The following WWOX variants were observed in gnomAD, a reference collection of about 807,000 sequenced individuals.
WWOX encodes WW domain-containing oxidoreductase.
Under a neutral mutation model 46.2 loss-of-function variants are expected in WWOX, and 69 were observed. That is an observed-to-expected ratio of 1.49 (90% confidence interval 1.23 to 1.82). The LOEUF is 1.82. Ranked by LOEUF, WWOX falls within the 40% of genes most tolerant of loss-of-function variation. The probability of loss-of-function intolerance (pLI) is 0.00; values close to 1 mark genes in which losing one functional copy is unlikely to be tolerated. For synonymous variants in WWOX, 359 were observed against 202.6 expected, an observed-to-expected ratio of 1.77 and a Z score of -6.56; for missense variants, 919 against 542.6, an observed-to-expected ratio of 1.69 and a Z score of -6.89.
At chr16:78,656,232 C>A (rs559215478) in intron 8 of WWOX, among the ~76,000 whole-genome samples, 67 of 152,088 alleles carry the variant, frequency 4.4e-4, no homozygotes, top group African/African-American at 1.6e-3. Flanking sequence ...CCTCAGTCTC[C>A]CCATCATCCT....
intron 8 of WWOX, among the ~76,000 whole-genome samples, chr16:79,022,941 T>TA (rs1347869134): frequency 1.3e-5 from 2 of 152,210 alleles, no homozygotes; most frequent in African/African-American, 2.4e-5. Context: ...CATCTGCTAA[T>TA]AATACCTATG....
intron 6 of WWOX, among the ~76,000 whole-genome samples, chr16:78,404,918 C>T (rs1246093935): frequency 6.6e-6 from 1 of 152,180 alleles, no homozygotes; most frequent in Non-Finnish European, 1.5e-5. Context: ...ACCTGCATGT[C>T]AGATATCATG....
In WWOX at chr16:79,211,802, G is replaced by T; in HGVS notation, c.*6G>T. ...TTGGCAGCCAGTCCGGCTAAGTGGA[G>T]CTCAGAGCGGATGGGCACACACACC... On this transcript the variant is annotated 3_prime_UTR_variant, in exon 9 of 9. Coordinates refer to ENST00000566780, the MANE Select transcript of WWOX (RefSeq NM_016373.4). 8 of 1,614,080 alleles carry T rather than the reference G, an allele frequency of 5.0e-6. No homozygotes were observed. The highest frequency in any genetic ancestry group is 1.7e-5 in the Admixed American group (1 of 60,022).
rs201008667 is a variant in WWOX at position 78,109,819 on chromosome 16, C to G, written c.214C>G (p.Gln72Glu). 8.1e-6 allele frequency: 13 copies of G among 1,613,986 alleles called. No individual in the cohort carries two copies. The African/African-American group carries it at 1.1e-4, about 13-fold the overall frequency. ...GWEQETDENG[Q>E]VFFVDHINKR... The stretch of plus-strand genomic sequence containing the variant: ...GGAACAAGAAACTGATGAGAACGGA[C>G]AAGTGTTTTTTGTTGAGTAAGTGTC... Residue 72 changes from glutamine (Q) to glutamate (E), a missense_variant, in exon 3 of 9, where the codon CAA becomes GAA. Transcript: ENST00000566780.
chr16:78,571,018 C>T (rs80196722), intron 8 of WWOX, among the ~76,000 whole-genome samples: 1 of 152,122 alleles, frequency 6.6e-6, no homozygotes, highest in African/African-American at 2.4e-5. Context: ...GCCCAGATGA[C>T]TTGTTCATGT....
Position 78,561,150 on chromosome 16 carries a change from G to A in WWOX, c.1056+128398G>A, listed in dbSNP as rs541440409. ...TGTTTCCTACTGACTTCTGCTGGTG[G>A]CTGCCCTCAGCTCCCAGAGGCAACC... is the stretch of plus-strand genomic sequence containing the variant. On this transcript the variant is annotated intron_variant, in intron 8 of 8. Transcript: ENST00000566780. Among the ~76,000 whole-genome samples the A allele has an allele frequency of 9.2e-5, 14 of 152,274 alleles. 1 individual carries two copies. The highest frequency in any genetic ancestry group is 8.5e-4 in the Admixed American group (13 of 15,294).
At chr16:78,524,006 A>G (rs1385313072) in intron 8 of WWOX, among the ~76,000 whole-genome samples, 1 of 152,022 alleles carries the variant, frequency 6.6e-6, no homozygotes, top group South Asian at 2.1e-4. Flanking sequence ...TTCACTTAGG[A>G]CTCTGTTTCG....
rs751026317 is a variant in WWOX at position 78,339,509 on chromosome 16, C to T, written c.517-47351C>T. ...CATTGTATCCTGGAAAGTTCATTTACCTGTACCCGGAGTTGGAACTTCTCT... is the reference window on the plus strand; with the variant it reads ...CATTGTATCCTGGAAAGTTCATTTATCTGTACCCGGAGTTGGAACTTCTCT... On this transcript the variant is annotated intron_variant, in intron 5 of 8. Coordinates refer to ENST00000566780, the MANE Select transcript of WWOX (RefSeq NM_016373.4). Among the ~76,000 whole-genome samples the T allele has an allele frequency of 6.8e-4, 81 of 119,606 alleles. 21 individuals carry two copies. Among genetic ancestry groups the T allele is most frequent in the Non-Finnish European group, 1.3e-3 (66 of 50,332 alleles). 78.5% of individuals were successfully genotyped at this position (119,606 alleles called of 152,430 possible). A position where few individuals can be genotyped will look rare whatever the true frequency, so the allele number is the denominator to read the frequency against.
At chr16:78,993,701 A>G (rs62036058) in intron 8 of WWOX, among the ~76,000 whole-genome samples, 3,184 of 152,298 alleles carry the variant, frequency 0.021, 63 homozygotes, top group South Asian at 0.032. Flanking sequence ...GGGACAGGAA[A>G]CACACAGGGG....
At chr16:78,419,712 A>AT (rs2082879491) in intron 6 of WWOX, among the ~76,000 whole-genome samples, 2 of 151,114 alleles carry the variant, frequency 1.3e-5, no homozygotes, top group Non-Finnish European at 3.0e-5. Flanking sequence ...ACATAGGGGT[A>AT]TATTTTTCTG....
chr16:79,069,369 T>C (rs1417433588), intron 8 of WWOX, among the ~76,000 whole-genome samples: 1 of 152,188 alleles, frequency 6.6e-6, no homozygotes, highest in Non-Finnish European at 1.5e-5. Flanking sequence ...TGGGAACAAA[T>C]TCAAAACAGC....
intron 8 of WWOX, among the ~76,000 whole-genome samples, chr16:78,618,887 G>A (rs1053027488): frequency 6.6e-6 from 1 of 151,330 alleles, no homozygotes; most frequent in Admixed American, 6.6e-5. Flanking sequence ...GCCCAGCATG[G>A]ATCTTCTCCA....
chr16:78,727,018 G>A (rs545051430), intron 8 of WWOX, among the ~76,000 whole-genome samples: 27 of 152,130 alleles, frequency 1.8e-4, no homozygotes, highest in South Asian at 6.2e-4. Context: ...TACATCTTCC[G>A]TGGTGTAAGT....
chr16:78,327,662 A>C (rs1333979076), intron 5 of WWOX, among the ~76,000 whole-genome samples: 2 of 152,110 alleles, frequency 1.3e-5, no homozygotes, highest in African/African-American at 4.8e-5. Context: ...AAATTTTTTT[A>C]AAGAGTGATC....
intron 8 of WWOX, among the ~76,000 whole-genome samples, chr16:78,644,180 C>A (rs140539204): frequency 2.0e-5 from 3 of 152,032 alleles, no homozygotes. Flanking sequence ...TGAGATCACG[C>A]CATTGCACTC....
intron 5 of WWOX, among the ~76,000 whole-genome samples, chr16:78,384,469 C>T (rs60137776): frequency 1.3e-5 from 2 of 152,114 alleles, no homozygotes; most frequent in South Asian, 4.2e-4. Context: ...GTTACTCAGA[C>T]AGCTTATGAG....
intron 8 of WWOX, among the ~76,000 whole-genome samples, chr16:79,184,959 G>C (rs2050984342): frequency 6.6e-6 from 1 of 152,292 alleles, no homozygotes; most frequent in South Asian, 2.1e-4. Context: ...GAGGGATGAG[G>C]TTGAGTCTGT....
intron 8 of WWOX, among the ~76,000 whole-genome samples, chr16:78,999,872 AAAATT>A (rs1445619758): frequency 6.6e-6 from 1 of 152,216 alleles, no homozygotes; most frequent in Non-Finnish European, 1.5e-5. Context: ...AACTTTATAA[AAAATT>A]AAAAAGAGTT....
chr16:78,309,186 C>T (rs1217943238), intron 5 of WWOX, among the ~76,000 whole-genome samples: 1 of 152,134 alleles, frequency 6.6e-6, no homozygotes, highest in Non-Finnish European at 1.5e-5. Context: ...AAGGGAGAGA[C>T]CAGGTGGATG....
Sources: gnomAD v4.1 joint callset for allele counts (sites outside exome capture counted in the v4.1 genomes callset) on GRCh38, gnomAD v4.1.1 for gene constraint, MANE v1.5 for transcripts, NCBI Gene and HGNC (gene_info 2026-07-23, HGNC 2026-07-21) for gene names.